The following SCGB2A1 variants were observed in gnomAD, a reference collection of about 807,000 sequenced individuals.
SCGB2A1 encodes the protein secretoglobin family 2A member 1, also known as mammaglobin-B.
In SCGB2A1, 6 loss-of-function variants were observed where a neutral mutation model predicts 9.2. The ratio of observed to expected loss-of-function variants is 0.66; its 90% CI spans 0.36 to 1.29. SCGB2A1 has a LOEUF of 1.29. Ranked by LOEUF, SCGB2A1 falls within the 50% of genes most tolerant of loss-of-function variation. SCGB2A1 has a pLI of 0.03. For synonymous variants in SCGB2A1, 37 were observed against 41.0 expected, an observed-to-expected ratio of 0.90 and a Z score of 0.37; for missense variants, 138 against 116.9, an observed-to-expected ratio of 1.18 and a Z score of -0.83.
chr11:62,213,081 C>CCT (rs1944849823), intron 2 of SCGB2A1, among the ~76,000 whole-genome samples: 1 of 23,390 alleles, frequency 4.3e-5, no homozygotes, highest in Non-Finnish European at 2.4e-4. Context: ...CATATATACA[C>CCT]ATATATACAC....
rs182494826 is a variant in SCGB2A1, at chr11:62,213,213, G to A, written c.244-513G>A. 3.0e-4 allele frequency among the ~76,000 whole-genome samples: 45 copies of A among 151,314 alleles called. No individual in the cohort carries two copies. In the East Asian group the frequency reaches 6.0e-3, roughly 20 times the overall value. On this transcript the variant is annotated intron_variant, in intron 2 of 2. Coordinates refer to ENST00000244930, the MANE Select transcript of SCGB2A1 (RefSeq NM_002407.3). ...GGCTTCCCAAAGTGCTGGGATTACA[G>A]GCATGAGCCATCCCACCCAGCCCAG...
intron 1 of SCGB2A1, among the ~76,000 whole-genome samples, chr11:62,209,501 C>T (rs1052215685): frequency 6.6e-6 from 1 of 152,194 alleles, no homozygotes; most frequent in African/African-American, 2.4e-5. Context: ...GACAAGCTCA[C>T]AGTCAACTAA....
chr11:62,208,763 C>T lies in SCGB2A1; in HGVS notation c.32C>T (p.Ala11Val), dbSNP rs1240525139. MKLLMVLMLA[A>V]LLLHCYADSG... ...CTGCTGATGGTCCTCATGCTGGCGG[C>T]CCTCCTCCTGCACTGCTATGCAGGT... The change falls in exon 1 of 3, where the codon GCC becomes GTC. Residue 11 changes from alanine (A) to valine (V), a missense_variant. Ala to Val is a moderately conservative substitution (Grantham distance 64). Transcript: ENST00000244930. The T allele has an allele frequency of 6.2e-7, 1 of 1,613,484 alleles. No homozygotes were observed. Among genetic ancestry groups the T allele is most frequent in the East Asian group, 2.2e-5 (1 of 44,884 alleles).
At chr11:62,213,417 T>C (rs1486021916) in intron 2 of SCGB2A1, 1 of 252,426 alleles carries the variant, frequency 4.0e-6, no homozygotes, top group Non-Finnish European at 7.5e-6. Flanking sequence ...GATCAGGTCT[T>C]CAACAAATAG....
chr11:62,208,845 A>G, intron 1 of SCGB2A1, 59 bp downstream of exon 1: 1 of 1,553,106 alleles, frequency 6.4e-7, no homozygotes, highest in Non-Finnish European at 8.9e-7. Flanking sequence ...GGGCCCCTGT[A>G]GAAGAACTCC....
rs1041352416 is a variant in SCGB2A1 at position 62,213,887 on chromosome 11, A to G, written c.*117A>G. The G allele has an allele frequency of 5.4e-6, 4 of 738,822 alleles. No individual in the cohort carries two copies. Among genetic ancestry groups the G allele is most frequent in the African/African-American group, 5.4e-5 (3 of 55,928 alleles). The allele number at this position is 738,822 out of a possible 1,614,324, so 45.8% of individuals were successfully genotyped here. A position where few individuals can be genotyped will look rare whatever the true frequency, so the allele number is the denominator to read the frequency against. The stretch of plus-strand genomic sequence containing the variant: ...CTTTTTATGTGGAAACTGCTAGACA[A>G]CTGTTGAAACCTCAAATTCATTTCC... On this transcript the variant is annotated 3_prime_UTR_variant, in exon 3 of 3. Transcript: ENST00000244930.
At chr11:62,213,210 A>T (rs1250535098) in intron 2 of SCGB2A1, among the ~76,000 whole-genome samples, 1 of 151,112 alleles carries the variant, frequency 6.6e-6, no homozygotes, top group Non-Finnish European at 1.5e-5. Flanking sequence ...TGCTGGGATT[A>T]CAGGCATGAG....
intron 1 of SCGB2A1, among the ~76,000 whole-genome samples, chr11:62,209,679 T>TGTGTGTGTGTGTGTG (rs1554985480): frequency 1.1e-5 from 1 of 90,042 alleles, no homozygotes; most frequent in African/African-American, 3.9e-5. Flanking sequence ...GTGTGTGTGT[T>TGTGTGTGTGTGTGTG]TGAGACAGGG....
intron 2 of SCGB2A1, among the ~76,000 whole-genome samples, chr11:62,211,865 A>G (rs1308959606): frequency 6.6e-6 from 1 of 152,234 alleles, no homozygotes; most frequent in Non-Finnish European, 1.5e-5. Flanking sequence ...GTCAGTGGTT[A>G]TAACAAGGAG....
chr11:62,210,600 G>A lies in SCGB2A1; in HGVS notation c.243G>A (p.Met81Ile), dbSNP rs967562186. ...HRTLKNFGLM[M>I]HTVYDSIWCN... ...CTCTGAAAAACTTTGGACTGATGATGGTAATTTGGGTTTCTTCTTATGTAC... is the reference window on the plus strand; with the variant it reads ...CTCTGAAAAACTTTGGACTGATGATAGTAATTTGGGTTTCTTCTTATGTAC... The change falls in exon 2 of 3, where the codon ATG becomes ATA. Residue 81 changes from methionine (M) to isoleucine (I), a missense_variant and splice_region_variant. Transcript: ENST00000244930. The A allele has an allele frequency of 3.3e-6, 5 of 1,532,664 alleles. No homozygotes were observed. The highest frequency in any genetic ancestry group is 3.5e-6 in the Non-Finnish European group (4 of 1,148,832). The allele number at this position is 1,532,664 out of a possible 1,614,324, so 94.9% of individuals were successfully genotyped here.
In SCGB2A1 at chr11:62,213,919, A is replaced by G. The variant is rs896860212; in HGVS notation, c.*149A>G. 4 of 599,510 alleles carry G rather than the reference A, an allele frequency of 6.7e-6. No homozygotes were observed. The African/African-American group carries it at 7.6e-5, about 11-fold the overall frequency. 37.1% of individuals were successfully genotyped at this position (599,510 alleles called of 1,614,324 possible). On this transcript the variant is annotated 3_prime_UTR_variant, in exon 3 of 3. Coordinates refer to ENST00000244930, the MANE Select transcript of SCGB2A1 (RefSeq NM_002407.3). ...AAACCTCAAATTCATTTCCATTTCA[A>G]TAAACTAACTGCAAATCACTAAAAT...
intron 2 of SCGB2A1, among the ~76,000 whole-genome samples, chr11:62,213,021 T>TATGTAC (rs1944846874): frequency 3.0e-5 from 2 of 67,256 alleles, no homozygotes; most frequent in African/African-American, 8.4e-5. Context: ...TGCACATATA[T>TATGTAC]ACATATATAC....
Position 62,210,386 on chromosome 11 carries a change from CTTTTTTTTTTTTTTT to C in SCGB2A1, c.56-19_56-5del. 7 of 1,347,290 alleles carry C rather than the reference CTTTTTTTTTTTTTTT, an allele frequency of 5.2e-6. No homozygotes were observed. The highest frequency in any genetic ancestry group is 6.8e-6 in the Non-Finnish European group (7 of 1,022,526). 83.5% of individuals were successfully genotyped at this position (1,347,290 alleles called of 1,614,324 possible). On this transcript the variant is annotated splice_polypyrimidine_tract_variant and intron_variant, in intron 1 of 2. Coordinates refer to ENST00000244930, the MANE Select transcript of SCGB2A1 (RefSeq NM_002407.3). ...CTAGTAATGGCCCATGTTCTTGTGT[CTTTTTTTTTTTTTTT>C]TTTTTTTCCAGATTCTGGCTGCAAA...
chr11:62,212,585 A>C (rs1590655389), intron 2 of SCGB2A1, among the ~76,000 whole-genome samples: 2 of 152,192 alleles, frequency 1.3e-5, no homozygotes, highest in East Asian at 3.9e-4. Context: ...CAGTGAGCCA[A>C]GATAGTGCCA....
chr11:62,210,116 C>T (rs1235131122), intron 1 of SCGB2A1, among the ~76,000 whole-genome samples: 1 of 152,124 alleles, frequency 6.6e-6, no homozygotes, highest in Non-Finnish European at 1.5e-5. Context: ...CAAGAAAGTC[C>T]AAGTAGTGTT....
At position 62,208,823 on chromosome 11, in the gene SCGB2A1, G is replaced by A. The variant is rs776456706; in HGVS notation, c.55+37G>A. Reference sequence around the variant, plus strand: ...GCAGAGAGGGCTGCTTCTGGGCTAGGAATTGTCACCTGGGCCCCTGTAGAA... The same window carrying A: ...GCAGAGAGGGCTGCTTCTGGGCTAGAAATTGTCACCTGGGCCCCTGTAGAA... On this transcript the variant is annotated intron_variant, in intron 1 of 2. Transcript: ENST00000244930. The A allele has an allele frequency of 1.9e-6, 3 of 1,605,284 alleles. No homozygotes were observed. The African/African-American group carries it at 4.0e-5, about 21-fold the overall frequency.
chr11:62,210,984 G>A (rs1306627228), intron 2 of SCGB2A1, among the ~76,000 whole-genome samples: 6 of 149,782 alleles, frequency 4.0e-5, no homozygotes, highest in African/African-American at 1.2e-4. Flanking sequence ...GTGTAGTGGC[G>A]TGAATCTCGG....
chr11:62,213,041 TACATATATAC>T lies in SCGB2A1; in HGVS notation c.244-663_244-654del, dbSNP rs1226930831. The stretch of plus-strand genomic sequence containing the variant: ...ATATATACATATATACACACATATA[TACATATATAC>T]ACATATATACACATATATACATATA... On this transcript the variant is annotated intron_variant, in intron 2 of 2. Coordinates refer to ENST00000244930, the MANE Select transcript of SCGB2A1 (RefSeq NM_002407.3). 6.0e-4 allele frequency among the ~76,000 whole-genome samples: 71 copies of T among 118,188 alleles called. 1 individual carries two copies. The highest frequency in any genetic ancestry group is 1.9e-3 in the African/African-American group (62 of 33,248). The allele number at this position is 118,188 out of a possible 152,430, so 77.5% of individuals were successfully genotyped here.
At chr11:62,208,858 A>T (rs758697957) in intron 1 of SCGB2A1, 72 bp downstream of exon 1, 62 of 1,476,092 alleles carry the variant, frequency 4.2e-5, no homozygotes, top group Non-Finnish European at 5.7e-5. Flanking sequence ...AGAACTCCCA[A>T]CCTCTAATCC....
Sources: allele counts gnomAD v4.1 joint callset (sites outside exome capture counted in the v4.1 genomes callset), GRCh38; gene constraint gnomAD v4.1.1; transcripts MANE v1.5; gene names NCBI Gene and HGNC (gene_info 2026-07-23, HGNC 2026-07-21).